ELMO1: variants seen among roughly 807,000 people sequenced by gnomAD.
ELMO1 encodes the protein engulfment and cell motility protein 1.
Under a neutral mutation model 98.9 loss-of-function variants are expected in ELMO1, and 26 were observed. That is an observed-to-expected ratio of 0.26 (90% CI 0.19 to 0.36). ELMO1 has a LOEUF of 0.36. Ranked by LOEUF, ELMO1 falls within the 10% of genes least tolerant of loss-of-function variation. The probability of loss-of-function intolerance (pLI) is 1.00; values close to 1 mark genes in which losing one functional copy is unlikely to be tolerated. For missense variants in ELMO1, 627 were observed against 935.2 expected, an observed-to-expected ratio of 0.67 and a Z score of 4.30; for synonymous variants, 346 against 346.0, an observed-to-expected ratio of 1.00 and a Z score of 0.00.
rs1040691403 is a variant in ELMO1, at chr7:37,075,295, C to G, written c.1300+21324G>C. On this transcript the variant is annotated intron_variant, in intron 15 of 21. Transcript: ENST00000310758. ...CCAAGTAGCTGGGACTACAGGCGCC[C>G]GCCACCACACCCGGCTAATTTTTTT... Among the ~76,000 whole-genome samples the G allele has an allele frequency of 2.0e-5, 3 of 151,506 alleles. No individual in the cohort carries two copies. In the East Asian group the frequency reaches 5.8e-4, roughly 29 times the overall value.
chr7:37,057,744 G>A (rs1796462997), intron 15 of ELMO1, among the ~76,000 whole-genome samples: 1 of 152,218 alleles, frequency 6.6e-6, no homozygotes, highest in African/African-American at 2.4e-5. Context: ...GTTGATTAGT[G>A]AGAACACTTC....
rs187750179 is a variant in ELMO1 at position 37,421,061 on chromosome 7, A to G, written c.-74+27614T>C. On this transcript the variant is annotated intron_variant, in intron 1 of 21. Transcript: ENST00000310758. ...CCCTAAGCCACATCTTCCTCTTAAA[A>G]GCACACTCTGAGCAGTACAGACTAA... 2.0e-5 allele frequency among the ~76,000 whole-genome samples: 3 copies of G among 152,362 alleles called. No homozygotes were observed. The East Asian group carries it at 5.8e-4, about 29-fold the overall frequency.
At chr7:37,046,120 G>A (rs1180406919) in intron 15 of ELMO1, among the ~76,000 whole-genome samples, 2 of 152,214 alleles carry the variant, frequency 1.3e-5, no homozygotes, top group East Asian at 3.8e-4. Flanking sequence ...CCTGCTTCCT[G>A]AATATAAATA....
intron 15 of ELMO1, among the ~76,000 whole-genome samples, chr7:37,073,613 T>C (rs1225318620): frequency 6.6e-6 from 1 of 151,706 alleles, no homozygotes; most frequent in Non-Finnish European, 1.5e-5. Flanking sequence ...TTTTTTTCCT[T>C]AGAGACAGGG....
chr7:37,275,241 C>T (rs1796767017), intron 4 of ELMO1, among the ~76,000 whole-genome samples: 1 of 152,210 alleles, frequency 6.6e-6, no homozygotes, highest in South Asian at 2.1e-4. Context: ...TCCTCGGAGT[C>T]CCAGGGCTTC....
At chr7:37,423,554 C>T (rs763604798) in intron 1 of ELMO1, among the ~76,000 whole-genome samples, 3 of 152,014 alleles carry the variant, frequency 2.0e-5, no homozygotes, top group Non-Finnish European at 4.4e-5. Context: ...CACTCCAGCC[C>T]GGGTGACAGA....
intron 2 of ELMO1, among the ~76,000 whole-genome samples, chr7:37,335,047 C>G (rs1800324916): frequency 6.6e-6 from 1 of 152,014 alleles, no homozygotes; most frequent in Non-Finnish European, 1.5e-5. Flanking sequence ...TGTATGTAAG[C>G]CACTGGCTGA....
intron 16 of ELMO1, among the ~76,000 whole-genome samples, chr7:36,965,692 C>T (rs1251297259): frequency 6.6e-6 from 1 of 152,148 alleles, no homozygotes; most frequent in African/African-American, 2.4e-5. Flanking sequence ...CTATAAAAAA[C>T]CTAATCCCAA....
chr7:37,144,790 C>A (rs180888000), intron 13 of ELMO1, among the ~76,000 whole-genome samples: 1 of 152,124 alleles, frequency 6.6e-6, no homozygotes, highest in African/African-American at 2.4e-5. Flanking sequence ...AGTGAGCACC[C>A]AAGGCGCTGT....
chr7:36,960,072 A>G (rs2129118424), intron 16 of ELMO1, among the ~76,000 whole-genome samples: 1 of 152,174 alleles, frequency 6.6e-6, no homozygotes, highest in African/African-American at 2.4e-5. Context: ...TCCCCTAAAA[A>G]CCATTTACTT....
chr7:37,225,887 A>G (rs1793846374), intron 8 of ELMO1, among the ~76,000 whole-genome samples: 1 of 152,174 alleles, frequency 6.6e-6, no homozygotes, highest in South Asian at 2.1e-4. Flanking sequence ...ATAAAAAGCC[A>G]TTATTATATC....
intron 16 of ELMO1, among the ~76,000 whole-genome samples, chr7:36,965,101 C>T (rs1171522563): frequency 1.3e-5 from 2 of 152,072 alleles, no homozygotes; most frequent in Non-Finnish European, 2.9e-5. Flanking sequence ...TTGATGTGGC[C>T]ACTCTTCCTC....
chr7:36,862,178 C>T, intron 20 of ELMO1: 1 of 179,774 alleles, frequency 5.6e-6, no homozygotes, highest in Non-Finnish European at 1.2e-5. Context: ...TAAGGACTGC[C>T]CTTCCTTCTA....
At chr7:37,274,920 A>G (rs932119436) in intron 4 of ELMO1, among the ~76,000 whole-genome samples, 2 of 152,180 alleles carry the variant, frequency 1.3e-5, no homozygotes, top group Non-Finnish European at 2.9e-5. Context: ...AAAGCAATAA[A>G]CTAACATTTA....
intron 6 of ELMO1, among the ~76,000 whole-genome samples, chr7:37,253,731 A>C (rs1050604299): frequency 1.3e-5 from 2 of 151,790 alleles, no homozygotes; most frequent in South Asian, 2.1e-4. Context: ...AAAAAAAAAA[A>C]AAAAACAAAA....
At chr7:37,138,047 C>G (rs1379250040) in intron 13 of ELMO1, among the ~76,000 whole-genome samples, 1 of 152,130 alleles carries the variant, frequency 6.6e-6, no homozygotes, top group Non-Finnish European at 1.5e-5. Flanking sequence ...AATAGTGACA[C>G]AACCTATCAA....
chr7:37,131,539 C>T (rs916458634), intron 14 of ELMO1, among the ~76,000 whole-genome samples: 1 of 152,186 alleles, frequency 6.6e-6, no homozygotes, highest in Non-Finnish European at 1.5e-5. Context: ...GAACATTAAT[C>T]AGTTAGTGGT....
In ELMO1 at chr7:37,033,227, G is replaced by A. The variant is rs139644861; in HGVS notation, c.1301-19792C>T. 28 of 347,178 alleles carry A rather than the reference G, an allele frequency of 8.1e-5. No homozygotes were observed. The East Asian group carries it at 1.3e-3, about 16-fold the overall frequency. 21.5% of individuals were successfully genotyped at this position (347,178 alleles called of 1,614,324 possible). On this transcript the variant is annotated intron_variant, in intron 15 of 21. Transcript: ENST00000310758. ...GTGGGTTTATGGTACCCAAATAAACGGAGCAGGAGGAGCGCAGACGGGCTA... is the reference window on the plus strand; with the variant it reads ...GTGGGTTTATGGTACCCAAATAAACAGAGCAGGAGGAGCGCAGACGGGCTA...
intron 15 of ELMO1, among the ~76,000 whole-genome samples, chr7:37,035,267 A>G (rs1008787665): frequency 2.0e-5 from 3 of 152,208 alleles, no homozygotes; most frequent in African/African-American, 7.2e-5. Flanking sequence ...TCTTTCTAAA[A>G]TTATCCAACC....
Sources: allele counts gnomAD v4.1 joint callset (sites outside exome capture counted in the v4.1 genomes callset), GRCh38; gene constraint gnomAD v4.1.1; transcripts MANE v1.5; gene names NCBI Gene and HGNC (gene_info 2026-07-23, HGNC 2026-07-21).